Variants in HPSE2 observed in about 807,000 individuals in gnomAD.
The protein encoded by HPSE2 is inactive heparanase-2.
In HPSE2, 38 loss-of-function variants were observed where a neutral mutation model predicts 60.5. The observed-to-expected ratio is 0.63, with a 90% CI of 0.48 to 0.82. HPSE2 has a LOEUF of 0.82. HPSE2 is among the 40% of genes least tolerant of loss of function. The pLI is 0.00. For missense variants in HPSE2, 713 were observed against 740.4 expected, an observed-to-expected ratio of 0.96 and a Z score of 0.43; for synonymous variants, 295 against 293.2, an observed-to-expected ratio of 1.01 and a Z score of -0.06.
intron 3 of HPSE2, among the ~76,000 whole-genome samples, chr10:98,795,684 A>T (rs1950763986): frequency 6.6e-6 from 1 of 152,222 alleles, no homozygotes; most frequent in Admixed American, 6.5e-5. Context: ...ACCTAGGAAG[A>T]TACCAGCCAG....
rs1304615098 is a variant in HPSE2, at chr10:99,057,871, C to G, written c.610+86367G>C. ...TCTTTTCTTTTCATTCATGCACAAA[C>G]AGTCACATTGTCTTACAAGACAAGT... On this transcript the variant is annotated intron_variant, in intron 3 of 11. Coordinates refer to ENST00000370552, the MANE Select transcript of HPSE2 (RefSeq NM_021828.5). Among the ~76,000 whole-genome samples the G allele has an allele frequency of 2.6e-5, 4 of 152,150 alleles. No individual in the cohort carries two copies. The East Asian group carries it at 7.7e-4, about 29-fold the overall frequency.
At chr10:98,641,618 C>T (rs544372873) in intron 7 of HPSE2, among the ~76,000 whole-genome samples, 9 of 151,898 alleles carry the variant, frequency 5.9e-5, no homozygotes, top group African/African-American at 9.7e-5. Context: ...AAAATAGAGA[C>T]GCTTTAAACC....
chr10:99,038,874 T>C (rs549434785), intron 3 of HPSE2, among the ~76,000 whole-genome samples: 1 of 152,288 alleles, frequency 6.6e-6, no homozygotes, highest in African/African-American at 2.4e-5. Flanking sequence ...GCCTCCCTCA[T>C]TCAATCGCTT....
At chr10:99,073,056 A>G (rs1564785176) in intron 3 of HPSE2, among the ~76,000 whole-genome samples, 1 of 152,104 alleles carries the variant, frequency 6.6e-6, no homozygotes, top group Non-Finnish European at 1.5e-5. Context: ...CCATTGTTGA[A>G]GACGATGTGG....
intron 3 of HPSE2, among the ~76,000 whole-genome samples, chr10:99,134,106 G>A (rs1178378236): frequency 6.6e-6 from 1 of 152,096 alleles, no homozygotes. Context: ...AATCGATCAA[G>A]CGAAAGAAAG....
chr10:98,883,199 T>C (rs1953073697), intron 3 of HPSE2, among the ~76,000 whole-genome samples: 1 of 152,086 alleles, frequency 6.6e-6, no homozygotes, highest in South Asian at 2.1e-4. Flanking sequence ...ATATACATTT[T>C]GGCACAATTT....
At chr10:98,877,010 T>A (rs1420373469) in intron 3 of HPSE2, among the ~76,000 whole-genome samples, 1 of 151,864 alleles carries the variant, frequency 6.6e-6, no homozygotes, top group Non-Finnish European at 1.5e-5. Flanking sequence ...GACCTTTATA[T>A]AGGGCATGCT....
chr10:98,855,810 C>A (rs1385791698), intron 3 of HPSE2, among the ~76,000 whole-genome samples: 1 of 152,104 alleles, frequency 6.6e-6, no homozygotes, highest in Non-Finnish European at 1.5e-5. Flanking sequence ...CAAATAGTGG[C>A]AATCTACCAC....
intron 7 of HPSE2, among the ~76,000 whole-genome samples, chr10:98,625,901 G>A (rs1946194535): frequency 6.6e-6 from 1 of 152,104 alleles, no homozygotes; most frequent in Non-Finnish European, 1.5e-5. Flanking sequence ...AAGAGATAGA[G>A]ACCAGCCTGG....
At chr10:98,957,731 T>C (rs1274602429) in intron 3 of HPSE2, among the ~76,000 whole-genome samples, 1 of 152,110 alleles carries the variant, frequency 6.6e-6, no homozygotes, top group Non-Finnish European at 1.5e-5. Flanking sequence ...GACTTTGGAG[T>C]GCTTGGGCTT....
chr10:99,280,950 C>T, the HPSE2 span, among the ~76,000 whole-genome samples: 1 of 152,146 alleles, frequency 6.6e-6, no homozygotes, highest in Non-Finnish European at 1.5e-5. Context: ...TTCTGAGCTG[C>T]TACATACTAA....
chr10:98,763,285 C>T (rs1950047225), intron 3 of HPSE2, among the ~76,000 whole-genome samples: 2 of 151,624 alleles, frequency 1.3e-5, no homozygotes, highest in South Asian at 4.2e-4. Flanking sequence ...TTTAAAGAAA[C>T]AGTAGTTGAA....
intron 8 of HPSE2, 64 bp downstream of exon 8, chr10:98,620,538 A>T: frequency 2.5e-6 from 3 of 1,181,380 alleles, no homozygotes; most frequent in Non-Finnish European, 3.8e-6. Flanking sequence ...AATCAGCAAC[A>T]CCAGAGATTC....
upstream of HPSE2, among the ~76,000 whole-genome samples, chr10:99,238,958 G>A (rs1036230334): frequency 8.6e-5 from 13 of 151,934 alleles, no homozygotes; most frequent in Non-Finnish European, 1.8e-4. Flanking sequence ...TAAGGAGTTC[G>A]AGACCAACCT....
chr10:98,610,604 C>G (rs1306064226), intron 9 of HPSE2, among the ~76,000 whole-genome samples: 1 of 152,180 alleles, frequency 6.6e-6, no homozygotes, highest in East Asian at 1.9e-4. Context: ...GGCAAAAAAG[C>G]ATGCTGGCAG....
At chr10:98,496,346 G>T (rs1053242987) in intron 9 of HPSE2, among the ~76,000 whole-genome samples, 3 of 152,222 alleles carry the variant, frequency 2.0e-5, no homozygotes, top group African/African-American at 7.2e-5. Context: ...TTCAGCCAGA[G>T]GGGGAGAGGC....
At chr10:98,653,182 C>T (rs1444735359) in intron 6 of HPSE2, among the ~76,000 whole-genome samples, 4 of 152,162 alleles carry the variant, frequency 2.6e-5, no homozygotes, top group Admixed American at 2.0e-4. Context: ...TTCAGCCATC[C>T]TTTGATTTGT....
intron 1 of HPSE2, 91 bp from the exon 2 acceptor site, chr10:99,232,596 G>A: frequency 2.1e-6 from 3 of 1,400,820 alleles, no homozygotes; most frequent in Non-Finnish European, 3.0e-6. Flanking sequence ...TACTCCCTGA[G>A]GGCGACCTGG....
intron 3 of HPSE2, among the ~76,000 whole-genome samples, chr10:98,888,135 A>AAC (rs3043548): frequency 0.07 from 9,784 of 140,692 alleles, 355 homozygotes; most frequent in Middle Eastern, 0.12. Context: ...TTTTAAAACA[A>AAC]ACACACACAC....
Sources: allele counts gnomAD v4.1 joint callset (sites outside exome capture counted in the v4.1 genomes callset), GRCh38; gene constraint gnomAD v4.1.1; transcripts MANE v1.5; gene names NCBI Gene and HGNC (gene_info 2026-07-23, HGNC 2026-07-21).